BRCA1: variants seen among roughly 807,000 people sequenced by gnomAD.
BRCA1 encodes the protein BRCA1 DNA repair associated.
Under a neutral mutation model 173.7 loss-of-function variants are expected in BRCA1, and 140 were observed. The ratio of observed to expected loss-of-function variants is 0.81; its 90% CI spans 0.70 to 0.93. The LOEUF is 0.93. Among genes scored for constraint, BRCA1 ranks in the 40% least tolerant of loss-of-function variants. BRCA1 has a pLI of 0.00. For synonymous variants in BRCA1, 662 were observed against 756.0 expected, an observed-to-expected ratio of 0.88 and a Z score of 2.04; for missense variants, 1,983 against 2,172.5, an observed-to-expected ratio of 0.91 and a Z score of 1.73.
rs2054424750 is a variant in BRCA1, at chr17:43,100,685, A to ATAACATATATATATATATAT, written c.442-806_442-805insATATATATATATATATGTTA. ...ATATATATATATATATATAATATAT[A>ATAACATATATATATATATAT]TATATATATATATATATGTAATCCC... is the stretch of plus-strand genomic sequence containing the variant. On this transcript the variant is annotated intron_variant, in intron 6 of 22. Transcript: ENST00000357654. Among the ~76,000 whole-genome samples, 2 of 10,206 alleles carry ATAACATATATATATATATAT rather than the reference A, an allele frequency of 2.0e-4. 1 individual carries two copies. Among genetic ancestry groups the ATAACATATATATATATATAT allele is most frequent in the African/African-American group, 6.0e-4 (2 of 3,320 alleles). 6.7% of individuals were successfully genotyped at this position (10,206 alleles called of 152,430 possible). A position where few individuals can be genotyped will look rare whatever the true frequency, so the allele number is the denominator to read the frequency against.
intron 1 of BRCA1, among the ~76,000 whole-genome samples, chr17:43,141,681 G>A (rs778050801): frequency 1.3e-5 from 2 of 150,178 alleles, no homozygotes; most frequent in South Asian, 4.2e-4. Context: ...GTGTGGTGAC[G>A]GGCACCTGTA....
At chr17:43,051,496 G>A (rs1382807798) in intron 19 of BRCA1, among the ~76,000 whole-genome samples, 1 of 152,160 alleles carries the variant, frequency 6.6e-6, no homozygotes, top group Non-Finnish European at 1.5e-5. Flanking sequence ...TGTTTAATAA[G>A]AGGCTTGGAT....
chr17:43,081,755 T>A (rs989337327), intron 12 of BRCA1, among the ~76,000 whole-genome samples: 2 of 152,228 alleles, frequency 1.3e-5, no homozygotes, highest in Non-Finnish European at 2.9e-5. Context: ...TCACTTCTTA[T>A]AGGAAGTCAG....
chr17:43,132,107 C>A (rs1426317655), intron 1 of BRCA1, among the ~76,000 whole-genome samples: 4 of 152,148 alleles, frequency 2.6e-5, no homozygotes, highest in Non-Finnish European at 2.9e-5. Context: ...ATTTAATCCT[C>A]ACATCAACTG....
In BRCA1 at chr17:43,079,299, A is replaced by G. The variant is rs747894403; in HGVS notation, c.4358-2685T>C. The G allele has an allele frequency of 3.9e-6, 6 of 1,543,196 alleles. No individual in the cohort carries two copies. In the Admixed American group the frequency reaches 8.4e-5, roughly 21 times the overall value. On this transcript the variant is annotated intron_variant, in intron 12 of 22. Coordinates refer to ENST00000357654, the MANE Select transcript of BRCA1 (RefSeq NM_007294.4). Reference sequence around the variant, plus strand: ...AACCACCATCTTTCAGTAATTTGCCAAAATGACGAACACAAAGGGAAAGAG... The same window carrying G: ...AACCACCATCTTTCAGTAATTTGCCGAAATGACGAACACAAAGGGAAAGAG...
chr17:43,130,512 C>G (rs2055956581), intron 1 of BRCA1, among the ~76,000 whole-genome samples: 1 of 152,136 alleles, frequency 6.6e-6, no homozygotes, highest in Admixed American at 6.5e-5. Flanking sequence ...CGAAGTTTCA[C>G]CATGTTGGCT....
chr17:43,100,006 C>T, intron 6 of BRCA1, 126 bp from the exon 7 acceptor site: 1 of 799,720 alleles, frequency 1.3e-6, no homozygotes, highest in Non-Finnish European at 2.2e-6. Context: ...ATGTATGATG[C>T]CTGGAAAAAA....
At chr17:43,062,272 T>A (rs1487313028) in intron 18 of BRCA1, among the ~76,000 whole-genome samples, 2 of 151,918 alleles carry the variant, frequency 1.3e-5, no homozygotes, top group Non-Finnish European at 1.5e-5. Flanking sequence ...TAAAAAAAAA[T>A]TTTGTGGAGA....
chr17:43,047,780 GTT>G, intron 21 of BRCA1, 77 bp from the exon 22 acceptor site: 2 of 1,525,016 alleles, frequency 1.3e-6, no homozygotes, highest in Non-Finnish European at 1.8e-6. Flanking sequence ...CATTTTTTTT[GTT>G]TGTTTTTGAG....
rs146130590 is a variant in BRCA1 at position 43,159,592 on chromosome 17, C to G, written c.-20+10534G>C. ...GCAGAGATGCTCCTCACCTCCCAGA[C>G]GGGGTCGCGGCCGGGCAGAGGCGCT... On this transcript the variant is annotated intron_variant, in intron 1 of 7. Transcript: ENST00000634433. 615 of 223,590 alleles carry G rather than the reference C, an allele frequency of 2.8e-3. 5 individuals carry two copies. Among genetic ancestry groups the G allele is most frequent in the African/African-American group, 0.014 (587 of 42,046 alleles). 13.9% of individuals were successfully genotyped at this position (223,590 alleles called of 1,614,324 possible). A position where few individuals can be genotyped will look rare whatever the true frequency, so the allele number is the denominator to read the frequency against.
In BRCA1 at chr17:43,107,299, G is replaced by A. The variant is rs12946839; in HGVS notation, c.135-766C>T. Among the ~76,000 whole-genome samples, 2,098 of 151,410 alleles carry A rather than the reference G, an allele frequency of 0.014. 65 individuals carry two copies. The highest frequency in any genetic ancestry group is 0.049 in the African/African-American group (2,008 of 41,284). ...AGGATGGTCTCCATCTCCTGACCTC[G>A]TGATCTGCCCGCCTCTGCCTCCCAA... is the stretch of plus-strand genomic sequence containing the variant. On this transcript the variant is annotated intron_variant, in intron 3 of 22. Coordinates refer to ENST00000357654, the MANE Select transcript of BRCA1 (RefSeq NM_007294.4).
chr17:43,091,116 G>T (rs2154260892), intron 10 of BRCA1, 84 bp from the exon 11 acceptor site: 1 of 1,257,722 alleles, frequency 8.0e-7, no homozygotes, highest in Non-Finnish European at 1.1e-6. Flanking sequence ...CTCATTGGCA[G>T]GACTGGATTT....
At chr17:43,147,567 CA>C (rs2056131739) in intron 1 of BRCA1, among the ~76,000 whole-genome samples, 1 of 152,154 alleles carries the variant, frequency 6.6e-6, no homozygotes, top group Admixed American at 6.5e-5. Context: ...CTCGGCCTCC[CA>C]AAGCGCTGGG....
At position 43,092,669 on chromosome 17, in the gene BRCA1, T is replaced by C. The variant is rs559190752; in HGVS notation, c.2862A>G (p.Leu954=). ...CSIKGGSRFC[L]SSQFRGNETG... is the part of the protein sequence containing the mutation. ...TTTCGTTGCCTCTGAACTGAGATGA[T>C]AGACAAAACCTAGAGCCTCCTTTGA... is the stretch of plus-strand genomic sequence containing the variant. The change falls in exon 10 of 23, where the codon CTA becomes CTG. Residue 954 remains leucine, a synonymous_variant. Coordinates refer to ENST00000357654, the MANE Select transcript of BRCA1 (RefSeq NM_007294.4). 1.7e-5 allele frequency: 28 copies of C among 1,614,126 alleles called. No homozygotes were observed. Among genetic ancestry groups the C allele is most frequent in the African/African-American group, 1.6e-4 (12 of 75,032 alleles).
At chr17:43,047,505 A>C in intron 22 of BRCA1, 138 bp downstream of exon 22, 1 of 908,060 alleles carries the variant, frequency 1.1e-6, no homozygotes, top group Non-Finnish European at 1.8e-6. Context: ...AAAAACATCA[A>C]AAAGACATTT....
chr17:43,104,778 T>C lies in BRCA1; in HGVS notation c.301+90A>G, dbSNP rs1172019174. The C allele has an allele frequency of 5.9e-6, 7 of 1,185,704 alleles. No homozygotes were observed. In the African/African-American group the frequency reaches 1.1e-4, roughly 18 times the overall value. 73.4% of individuals were successfully genotyped at this position (1,185,704 alleles called of 1,614,324 possible). A position where few individuals can be genotyped will look rare whatever the true frequency, so the allele number is the denominator to read the frequency against. On this transcript the variant is annotated intron_variant, in intron 5 of 22. Transcript: ENST00000357654. The stretch of plus-strand genomic sequence containing the variant: ...AAAATTAACCTAGACTAAAAGGTCT[T>C]ATCACCACGTCATAGAAAGTAATTG...
chr17:43,057,663 G>A (rs1356355523), intron 18 of BRCA1, among the ~76,000 whole-genome samples: 13 of 151,098 alleles, frequency 8.6e-5, no homozygotes, highest in African/African-American at 1.9e-4. Context: ...GTGAAACCCC[G>A]TCTCTACTTA....
At position 43,094,351 on chromosome 17, in the gene BRCA1, C is replaced by G. The variant is rs771837028; in HGVS notation, c.1180G>C (p.Gly394Arg). Residue 394 changes from glycine (G) to arginine (R), a missense_variant, in exon 10 of 23, where the codon GGT (glycine) becomes CGT (arginine). Transcript: ENST00000357654. ...TCCCCATCATGTGAGTCATCAGAAC[C>G]TAACAGTTCATCACTTCTGGAAAAC... is the stretch of plus-strand genomic sequence containing the variant. ...EWFSRSDELLGSDDSHDGESE... is the reference protein window; with the variant it reads ...EWFSRSDELLRSDDSHDGESE... 6.2e-7 allele frequency: 1 copy of G among 1,614,132 alleles called. No homozygotes were observed. Among genetic ancestry groups the G allele is most frequent in the Non-Finnish European group, 8.5e-7 (1 of 1,180,010 alleles).
intron 3 of BRCA1, among the ~76,000 whole-genome samples, chr17:43,111,863 T>TA (rs1041866128): frequency 2.0e-5 from 3 of 151,580 alleles, no homozygotes; most frequent in South Asian, 4.2e-4. Flanking sequence ...CAAACAAAAA[T>TA]AAAAAAAAGA....
Sources: allele counts gnomAD v4.1 joint callset (sites outside exome capture counted in the v4.1 genomes callset), GRCh38; gene constraint gnomAD v4.1.1; transcripts MANE v1.5; gene names NCBI Gene and HGNC (gene_info 2026-07-23, HGNC 2026-07-21).